Variants in CNTNAP2 observed in about 807,000 individuals in gnomAD.
CNTNAP2 encodes contactin-associated protein-like 2.
In CNTNAP2, 98 loss-of-function variants were observed where a neutral mutation model predicts 155.2. The ratio of observed to expected loss-of-function variants is 0.63; its 90% CI spans 0.54 to 0.75. CNTNAP2 has a LOEUF of 0.75. Ranked by LOEUF, CNTNAP2 falls within the 30% of genes least tolerant of loss-of-function variation. The pLI is 0.00. For synonymous variants in CNTNAP2, 651 were observed against 631.2 expected (o/e 1.03, Z -0.47); for missense variants, 1,727 against 1,688.1 (o/e 1.02, Z -0.40).
intron 11 of CNTNAP2, among the ~76,000 whole-genome samples, chr7:147,550,449 C>T (rs1206159230): frequency 6.6e-6 from 1 of 152,180 alleles, no homozygotes; most frequent in Non-Finnish European, 1.5e-5. Context: ...CTTTGCTCTT[C>T]CTTCATCTTC....
At chr7:147,467,740 G>T (rs868263551) in intron 10 of CNTNAP2, among the ~76,000 whole-genome samples, 1 of 152,306 alleles carries the variant, frequency 6.6e-6, no homozygotes. Context: ...CTTTAAGAAA[G>T]AACAGCTGTG....
chr7:146,436,516 G>T (rs1401495883), intron 1 of CNTNAP2, among the ~76,000 whole-genome samples: 2 of 151,876 alleles, frequency 1.3e-5, no homozygotes, highest in East Asian at 3.9e-4. Context: ...TCACAATAAG[G>T]GGAGATAATA....
chr7:146,956,075 A>T (rs774321317), intron 3 of CNTNAP2, among the ~76,000 whole-genome samples: 3 of 138,178 alleles, frequency 2.2e-5, no homozygotes, highest in African/African-American at 7.8e-5. Flanking sequence ...AATGAAAGAG[A>T]TGAAGGAGAT....
chr7:147,984,838 G>A (rs908035737), intron 15 of CNTNAP2, among the ~76,000 whole-genome samples: 5 of 152,102 alleles, frequency 3.3e-5, no homozygotes, highest in Non-Finnish European at 4.4e-5. Context: ...TTACTGGCTG[G>A]GCGCAGTGGT....
intron 11 of CNTNAP2, among the ~76,000 whole-genome samples, chr7:147,550,588 G>C (rs1353247328): frequency 6.6e-6 from 1 of 152,156 alleles, no homozygotes; most frequent in Non-Finnish European, 1.5e-5. Context: ...CTGAGCATGA[G>C]TGGAAGAAAG....
At chr7:147,606,218 T>C (rs1465643927) in intron 12 of CNTNAP2, among the ~76,000 whole-genome samples, 1 of 152,184 alleles carries the variant, frequency 6.6e-6, no homozygotes, top group Non-Finnish European at 1.5e-5. Flanking sequence ...AGGGTGGTAA[T>C]GTTTTAGGCT....
chr7:146,973,968 A>G (rs1246854150), intron 3 of CNTNAP2, among the ~76,000 whole-genome samples: 1 of 152,178 alleles, frequency 6.6e-6, no homozygotes, highest in Non-Finnish European at 1.5e-5. Context: ...GCTTGATTCA[A>G]GGGTGTACAA....
At chr7:146,868,499 G>C (rs1221250924) in intron 3 of CNTNAP2, among the ~76,000 whole-genome samples, 2 of 152,106 alleles carry the variant, frequency 1.3e-5, no homozygotes, top group African/African-American at 4.8e-5. Flanking sequence ...TGGCTATGCG[G>C]GCTCATTTTG....
intron 10 of CNTNAP2, among the ~76,000 whole-genome samples, chr7:147,457,092 T>A (rs1420209225): frequency 1.3e-5 from 2 of 152,206 alleles, no homozygotes. Flanking sequence ...TTTTTTCTGA[T>A]ATTTTCCTTT....
chr7:147,931,524 A>G (rs919689603), intron 14 of CNTNAP2, among the ~76,000 whole-genome samples: 3 of 152,220 alleles, frequency 2.0e-5, no homozygotes, highest in Non-Finnish European at 4.4e-5. Flanking sequence ...CCTGCTGAAC[A>G]TAGATGCAAA....
chr7:147,916,523 T>C (rs1475399299), intron 14 of CNTNAP2, among the ~76,000 whole-genome samples: 1 of 151,762 alleles, frequency 6.6e-6, no homozygotes, highest in South Asian at 2.1e-4. Flanking sequence ...TTAAATGGAC[T>C]TAAACAAAAT....
chr7:146,317,999 G>C (rs962575937), intron 1 of CNTNAP2, among the ~76,000 whole-genome samples: 2 of 152,102 alleles, frequency 1.3e-5, no homozygotes, highest in Non-Finnish European at 2.9e-5. Flanking sequence ...AAATTAGCCA[G>C]GTGTGGTGGC....
At chr7:147,739,801 A>T (rs1186399848) in intron 13 of CNTNAP2, among the ~76,000 whole-genome samples, 2 of 152,078 alleles carry the variant, frequency 1.3e-5, no homozygotes, top group African/African-American at 4.8e-5. Context: ...ATATATATGT[A>T]TTTCATGTAT....
At chr7:147,554,645 T>A (rs564133479) in intron 11 of CNTNAP2, among the ~76,000 whole-genome samples, 575 of 152,252 alleles carry the variant, frequency 3.8e-3, no homozygotes, top group Non-Finnish European at 6.1e-3. Context: ...GACAGGTAAA[T>A]AAACCCATTA....
intron 3 of CNTNAP2, among the ~76,000 whole-genome samples, chr7:146,907,358 C>T (rs545192906): frequency 0.02 from 2,863 of 146,676 alleles, 72 homozygotes; most frequent in African/African-American, 0.067. Flanking sequence ...TCAGATTCAC[C>T]GAAGTTGAAA....
At chr7:147,827,090 C>T (rs1296418053) in intron 13 of CNTNAP2, among the ~76,000 whole-genome samples, 1 of 151,996 alleles carries the variant, frequency 6.6e-6, no homozygotes, top group East Asian at 1.9e-4. Context: ...CTACCAAGCT[C>T]AGCTAATTTT....
At chr7:146,822,201 C>G (rs564300547) in intron 2 of CNTNAP2, among the ~76,000 whole-genome samples, 1 of 152,142 alleles carries the variant, frequency 6.6e-6, no homozygotes, top group East Asian at 1.9e-4. Context: ...AACCATCATT[C>G]TCAGCAAACT....
At chr7:146,533,503 T>G (rs1305132632) in intron 1 of CNTNAP2, among the ~76,000 whole-genome samples, 2 of 152,068 alleles carry the variant, frequency 1.3e-5, no homozygotes, top group Non-Finnish European at 2.9e-5. Flanking sequence ...AGAACTAGAG[T>G]CTTAAAGAAA....
intron 10 of CNTNAP2, among the ~76,000 whole-genome samples, chr7:147,403,754 A>C (rs2116472859): frequency 6.6e-6 from 1 of 152,322 alleles, no homozygotes; most frequent in Non-Finnish European, 1.5e-5. Flanking sequence ...GAGGTGAATT[A>C]TCCCAGAACC....
Sources: allele counts gnomAD v4.1 joint callset (sites outside exome capture counted in the v4.1 genomes callset), GRCh38; gene constraint gnomAD v4.1.1; transcripts MANE v1.5; gene names NCBI Gene and HGNC (gene_info 2026-07-23, HGNC 2026-07-21).